The following SLMAP variants were observed in gnomAD, a reference collection of about 807,000 sequenced individuals.
SLMAP encodes the protein sarcolemmal membrane-associated protein.
A neutral mutation model predicts 128.8 loss-of-function variants in SLMAP; 44 were observed. That is an observed-to-expected ratio of 0.34 (90% CI 0.27 to 0.44). SLMAP has a LOEUF of 0.44. Among genes scored for constraint, SLMAP ranks in the 20% least tolerant of loss-of-function variants. The pLI, the probability that SLMAP is intolerant of heterozygous loss-of-function variation, is 1.00. For synonymous variants in SLMAP, 327 were observed against 348.8 expected, an observed-to-expected ratio of 0.94 and a Z score of 0.70; for missense variants, 787 against 985.3, an observed-to-expected ratio of 0.80 and a Z score of 2.69.
chr3:57,796,334 C>A (rs1056053211), intron 2 of SLMAP, among the ~76,000 whole-genome samples: 1 of 152,148 alleles, frequency 6.6e-6, no homozygotes, highest in Admixed American at 6.5e-5. Flanking sequence ...TTCCAGGAGA[C>A]TTTGCATGAT....
intron 2 of SLMAP, among the ~76,000 whole-genome samples, chr3:57,779,361 T>C (rs1387653116): frequency 6.6e-6 from 1 of 151,632 alleles, no homozygotes; most frequent in Non-Finnish European, 1.5e-5. Flanking sequence ...TACAAAAAAT[T>C]AGCCAAGCAT....
At chr3:57,855,771 C>T (rs554726674) in intron 6 of SLMAP, among the ~76,000 whole-genome samples, 10 of 147,432 alleles carry the variant, frequency 6.8e-5, no homozygotes, top group African/African-American at 2.0e-4. Flanking sequence ...AGGTTGGGTG[C>T]GGGGACTCAC....
chr3:57,817,769 C>T (rs1487763345), intron 2 of SLMAP, among the ~76,000 whole-genome samples: 1 of 152,168 alleles, frequency 6.6e-6, no homozygotes. Flanking sequence ...CTGTCATGGA[C>T]ACAGAAACTG....
At chr3:57,869,659 T>TATATATATATATATATATATAA (rs1213782539) in intron 13 of SLMAP, among the ~76,000 whole-genome samples, 14 of 115,414 alleles carry the variant, frequency 1.2e-4, no homozygotes, top group African/African-American at 4.5e-4. Flanking sequence ...TATATATATA[T>TATATATATATATATATATATAA]AATATATATA....
chr3:57,893,737 T>C (rs1224268384), intron 15 of SLMAP, among the ~76,000 whole-genome samples: 1 of 152,210 alleles, frequency 6.6e-6, no homozygotes, highest in Non-Finnish European at 1.5e-5. Context: ...GGAGATTAGA[T>C]GTATTAGCCT....
At chr3:57,893,830 G>A (rs749179295) in intron 15 of SLMAP, among the ~76,000 whole-genome samples, 3 of 152,018 alleles carry the variant, frequency 2.0e-5, no homozygotes, top group Non-Finnish European at 2.9e-5. Flanking sequence ...ATGCAGCAGC[G>A]GTCACAGATT....
At chr3:57,812,850 A>G (rs1192656296) in intron 2 of SLMAP, among the ~76,000 whole-genome samples, 1 of 151,654 alleles carries the variant, frequency 6.6e-6, no homozygotes, top group East Asian at 1.9e-4. Context: ...CCCCTTTCCC[A>G]ACTCCCTAAG....
intron 2 of SLMAP, among the ~76,000 whole-genome samples, chr3:57,799,379 G>C (rs571242565): frequency 6.6e-6 from 1 of 152,190 alleles, no homozygotes; most frequent in Non-Finnish European, 1.5e-5. Context: ...TTTTATTTTA[G>C]GATGTTGTTT....
Position 57,763,277 on chromosome 3 carries a change from CT to C in SLMAP, c.198+5443del, listed in dbSNP as rs1282358973. On this transcript the variant is annotated intron_variant, in intron 2 of 24. Transcript: ENST00000671191. The stretch of plus-strand genomic sequence containing the variant: ...CACGTTTAATTTAAACTTAGTGCAT[CT>C]TTTTTTTTTTTTTTGAGATGGAGTC... Among the ~76,000 whole-genome samples, 752 of 140,202 alleles carry C rather than the reference CT, an allele frequency of 5.4e-3. 1 individual carries two copies. The highest frequency in any genetic ancestry group is 0.01 in the African/African-American group (387 of 38,484). The allele number at this position is 140,202 out of a possible 152,430, so 92.0% of individuals were successfully genotyped here.
At chr3:57,781,391 G>T (rs2083032146) in intron 2 of SLMAP, among the ~76,000 whole-genome samples, 1 of 152,078 alleles carries the variant, frequency 6.6e-6, no homozygotes, top group Admixed American at 6.6e-5. Flanking sequence ...AAAAGAATAA[G>T]GAAGCTGTTT....
intron 23 of SLMAP, among the ~76,000 whole-genome samples, chr3:57,923,466 CTT>C (rs1403721218): frequency 2.0e-5 from 3 of 152,312 alleles, no homozygotes; most frequent in East Asian, 3.9e-4. Context: ...CTTAATGTCT[CTT>C]TGTCATTCTG....
intron 2 of SLMAP, among the ~76,000 whole-genome samples, chr3:57,802,508 C>T (rs1317035284): frequency 6.6e-6 from 1 of 152,178 alleles, no homozygotes; most frequent in Admixed American, 6.5e-5. Flanking sequence ...TCTCGAGCTC[C>T]TGACCTTGAG....
At position 57,871,150 on chromosome 3, in the gene SLMAP, A is replaced by G. The variant is rs554433402; in HGVS notation, c.1238-486A>G. ...GTGACTCAAAAGGGAAGATTATGAA[A>G]TGAATATGTAAAACTTATTACATCA... On this transcript the variant is annotated intron_variant, in intron 13 of 24. Transcript: ENST00000671191. Among the ~76,000 whole-genome samples the G allele has an allele frequency of 3.3e-5, 5 of 152,334 alleles. No individual in the cohort carries two copies. The South Asian group carries it at 1.0e-3, about 32-fold the overall frequency.
chr3:57,769,112 A>T (rs2080301439), intron 2 of SLMAP, among the ~76,000 whole-genome samples: 1 of 152,204 alleles, frequency 6.6e-6, no homozygotes, highest in East Asian at 1.9e-4. Flanking sequence ...GATTGTGGCG[A>T]TGGTTGCACA....
In SLMAP at chr3:57,923,676, A is replaced by G. The variant is rs557110146; in HGVS notation, c.2445+653A>G. ...CCTTTGTGGGCCCTGATAGATGTTT[A>G]GTGTGGTTGGTTGTGCTCTGACTTA... On this transcript the variant is annotated intron_variant, in intron 23 of 24. Coordinates refer to ENST00000671191, the MANE Select transcript of SLMAP (RefSeq NM_001377540.1). 5.2e-4 allele frequency among the ~76,000 whole-genome samples: 79 copies of G among 152,326 alleles called. 2 individuals are homozygous for G. Among genetic ancestry groups the G allele is most frequent in the Middle Eastern group, 6.8e-3 (2 of 294 alleles).
intron 13 of SLMAP, among the ~76,000 whole-genome samples, chr3:57,868,935 T>TTATATGTGTGTATTATATATAA (rs1396994801): frequency 3.7e-5 from 5 of 136,628 alleles, no homozygotes; most frequent in East Asian, 3.9e-4. Flanking sequence ...ATAATATATG[T>TTATATGTGTGTATTATATATAA]TATATGTGTG....
chr3:57,830,505 G>A (rs1236658685), intron 2 of SLMAP, among the ~76,000 whole-genome samples: 1 of 152,090 alleles, frequency 6.6e-6, no homozygotes, highest in Non-Finnish European at 1.5e-5. Context: ...TTTTTTACTG[G>A]TGGTTCTCTT....
At chr3:57,925,269 G>A (rs1489948849) in intron 23 of SLMAP, among the ~76,000 whole-genome samples, 2 of 150,518 alleles carry the variant, frequency 1.3e-5, no homozygotes, top group African/African-American at 4.9e-5. Context: ...CTGTCTTCAT[G>A]TGCTATATTT....
chr3:57,923,128 A>G (rs2096945195), intron 23 of SLMAP, 105 bp downstream of exon 23: 2 of 1,025,526 alleles, frequency 2.0e-6, no homozygotes, highest in African/African-American at 1.6e-5. Context: ...AATGGTACAG[A>G]TGAAATAGGC....
Sources: allele counts gnomAD v4.1 joint callset (sites outside exome capture counted in the v4.1 genomes callset), GRCh38; gene constraint gnomAD v4.1.1; transcripts MANE v1.5; gene names NCBI Gene and HGNC (gene_info 2026-07-23, HGNC 2026-07-21).